Variants in RELN observed in about 807,000 individuals in gnomAD.
RELN encodes the protein reelin.
In RELN, 108 loss-of-function variants were observed where a neutral mutation model predicts 427.6. The ratio of observed to expected loss-of-function variants is 0.25; its 90% confidence interval spans 0.22 to 0.30. RELN has a LOEUF of 0.30. Ranked by LOEUF, RELN falls within the 10% of genes least tolerant of loss-of-function variation. The pLI is 1.00. For synonymous variants in RELN, 1,524 were observed against 1,513.4 expected, an observed-to-expected ratio of 1.01 and a Z score of -0.16; for missense variants, 3,715 against 4,302.8, an observed-to-expected ratio of 0.86 and a Z score of 3.82.
At chr7:103,744,140 GAAC>G in intron 6 of RELN, among the ~76,000 whole-genome samples, 1 of 152,282 alleles carries the variant, frequency 6.6e-6, no homozygotes, top group Non-Finnish European at 1.5e-5. Context: ...CATGGAAACT[GAAC>G]AACCTGCTCC....
At chr7:103,815,427 T>C (rs368365147) in intron 3 of RELN, among the ~76,000 whole-genome samples, 27 of 152,212 alleles carry the variant, frequency 1.8e-4, no homozygotes, top group Admixed American at 6.5e-5. Flanking sequence ...AAATCATAAG[T>C]GTGACTTGAT....
At chr7:103,690,321 T>A (rs727707) in intron 10 of RELN, among the ~76,000 whole-genome samples, 1 of 152,058 alleles carries the variant, frequency 6.6e-6, no homozygotes, top group Non-Finnish European at 1.5e-5. Context: ...TCCTTGACGG[T>A]AAAACCAAGG....
chr7:103,512,721 T>C (rs762369782), intron 50 of RELN: 1 of 152,224 alleles, frequency 6.6e-6, no homozygotes, highest in African/African-American at 2.4e-5. Flanking sequence ...ATTAAACATA[T>C]CCATAATATA....
chr7:103,520,968 T>TTTTTA (rs1562869017), intron 48 of RELN, among the ~76,000 whole-genome samples: 12 of 115,478 alleles, frequency 1.0e-4, no homozygotes, highest in African/African-American at 3.4e-4. Flanking sequence ...TTTTTTTTTT[T>TTTTTA]TTTTTTTTTT....
chr7:103,952,121 C>T (rs4236565), intron 1 of RELN, among the ~76,000 whole-genome samples: 110,075 of 152,226 alleles, frequency 0.72, 40,895 homozygotes, highest in African/African-American at 0.9. Flanking sequence ...GGTTGGGTGC[C>T]ATTGGTATTT....
intron 31 of RELN, 95 bp downstream of exon 31, chr7:103,572,089 T>G (rs1157684709): frequency 1.3e-6 from 1 of 754,976 alleles, no homozygotes; most frequent in Admixed American, 1.8e-5. Context: ...TTCAGGGTAA[T>G]GTATCAGTTT....
At chr7:103,854,262 T>C (rs1018768186) in intron 2 of RELN, among the ~76,000 whole-genome samples, 3 of 152,208 alleles carry the variant, frequency 2.0e-5, no homozygotes, top group Admixed American at 2.0e-4. Context: ...AAAATGACTT[T>C]AGTCACCATT....
intron 2 of RELN, among the ~76,000 whole-genome samples, chr7:103,869,473 C>A (rs1358375448): frequency 6.6e-6 from 1 of 152,002 alleles, no homozygotes; most frequent in Non-Finnish European, 1.5e-5. Context: ...TTTCAGCTTT[C>A]ACTTATTCAA....
chr7:103,599,274 C>T (rs1831610287), intron 24 of RELN, among the ~76,000 whole-genome samples: 1 of 151,396 alleles, frequency 6.6e-6, no homozygotes, highest in Non-Finnish European at 1.5e-5. Flanking sequence ...TTTATTCAGT[C>T]TTTCTTCAAC....
At chr7:103,834,791 G>T (rs185937185) in intron 2 of RELN, among the ~76,000 whole-genome samples, 387 of 152,238 alleles carry the variant, frequency 2.5e-3, no homozygotes, top group Non-Finnish European at 4.5e-3. Context: ...CCGGAATACT[G>T]ATACCACCAA....
chr7:103,533,489 T>C (rs973228258), intron 46 of RELN, among the ~76,000 whole-genome samples: 1 of 152,232 alleles, frequency 6.6e-6, no homozygotes, highest in Non-Finnish European at 1.5e-5. Flanking sequence ...CTTTGGCATA[T>C]GGCAGAGAAG....
chr7:103,751,712 C>T (rs1225594970), intron 5 of RELN, among the ~76,000 whole-genome samples: 3 of 152,296 alleles, frequency 2.0e-5, no homozygotes, highest in Non-Finnish European at 2.9e-5. Flanking sequence ...TGCTTCTAAG[C>T]GCTTGCATTT....
At chr7:103,929,391 T>C (rs369925552) in intron 1 of RELN, among the ~76,000 whole-genome samples, 70 of 152,244 alleles carry the variant, frequency 4.6e-4, no homozygotes, top group African/African-American at 1.3e-3. Context: ...TGAATAACCT[T>C]CTTTCGAATA....
At chr7:103,693,556 T>A (rs552170661) in intron 10 of RELN, among the ~76,000 whole-genome samples, 147 of 141,950 alleles carry the variant, frequency 1.0e-3, no homozygotes, top group African/African-American at 3.6e-3. Flanking sequence ...AAAAAAAAAA[T>A]AAAAAATAAA....
chr7:103,945,823 T>C (rs1171704967), intron 1 of RELN, among the ~76,000 whole-genome samples: 1 of 152,134 alleles, frequency 6.6e-6, no homozygotes. Context: ...TACACAAACA[T>C]TTACCATTAT....
chr7:103,567,409 G>GA (rs1167393991), intron 31 of RELN, among the ~76,000 whole-genome samples: 3 of 152,190 alleles, frequency 2.0e-5, no homozygotes, highest in African/African-American at 7.2e-5. Flanking sequence ...AGGGTGACAT[G>GA]ATCCAGGGGA....
chr7:103,728,920 AATTAGCTCCT>A (rs879751435), intron 6 of RELN, among the ~76,000 whole-genome samples: 3 of 152,194 alleles, frequency 2.0e-5, no homozygotes, highest in Admixed American at 1.3e-4. Flanking sequence ...CGAATAACGG[AATTAGCTCCT>A]ATCTTTATAC....
At chr7:103,854,343 C>T (rs190721725) in intron 2 of RELN, among the ~76,000 whole-genome samples, 7 of 152,262 alleles carry the variant, frequency 4.6e-5, no homozygotes, top group South Asian at 4.1e-4. Context: ...TTTAAAGTCA[C>T]GATTGAATTA....
intron 4 of RELN, among the ~76,000 whole-genome samples, chr7:103,760,873 T>C (rs903761280): frequency 6.8e-5 from 10 of 147,286 alleles, no homozygotes; most frequent in Admixed American, 1.4e-4. Context: ...GCTATGAACC[T>C]AGACTTTCAT....
Sources: allele counts gnomAD v4.1 joint callset (sites outside exome capture counted in the v4.1 genomes callset), GRCh38; gene constraint gnomAD v4.1.1; transcripts MANE v1.5; gene names NCBI Gene and HGNC (gene_info 2026-07-23, HGNC 2026-07-21).